Variants in POLR1B observed in about 807,000 individuals in gnomAD.
POLR1B encodes the protein DNA-directed RNA polymerase I subunit RPA2.
In POLR1B, 30 loss-of-function variants were observed where a neutral mutation model predicts 105.8. The observed-to-expected ratio is 0.28, with a 90% confidence interval of 0.21 to 0.38. POLR1B has a LOEUF of 0.38. Among genes scored for constraint, POLR1B ranks in the 10% least tolerant of loss-of-function variants. The pLI is 1.00. For missense variants in POLR1B, 976 were observed against 1,435.8 expected (o/e 0.68, Z 5.17); for synonymous variants, 485 against 505.1 (o/e 0.96, Z 0.53).
At chr2:112,564,214 G>A (rs958408734) in intron 9 of POLR1B, 152 bp from the exon 10 acceptor site, 1 of 831,312 alleles carries the variant, frequency 1.2e-6, no homozygotes, top group Non-Finnish European at 1.8e-6. Flanking sequence ...TATCTGAAGT[G>A]CAGTTAAAAG....
chr2:112,547,327 AATTG>A, intron 2 of POLR1B, 90 bp from the exon 3 acceptor site: 1 of 1,493,372 alleles, frequency 6.7e-7, no homozygotes, highest in Non-Finnish European at 9.1e-7. Context: ...AAAATAATTT[AATTG>A]ATCTTCTTCC....
chr2:112,558,688 G>A (rs1297635338), intron 8 of POLR1B, among the ~76,000 whole-genome samples: 1 of 151,836 alleles, frequency 6.6e-6, no homozygotes, highest in Non-Finnish European at 1.5e-5. Flanking sequence ...GCAGGATCAT[G>A]GCTCACTGCA....
At position 112,574,799 on chromosome 2, in the gene POLR1B, A is replaced by T. The variant is rs749714999; in HGVS notation, c.2526-48A>T. 4.0e-6 allele frequency: 6 copies of T among 1,495,902 alleles called. No homozygotes were observed. In the South Asian group the frequency reaches 7.7e-5, roughly 19 times the overall value. The allele number at this position is 1,495,902 out of a possible 1,614,324, so 92.7% of individuals were successfully genotyped here. ...AATTATATCAATGAAACTTATCTCC[A>T]TAAGTTAAAACAAATAGGTTGACCT... On this transcript the variant is annotated intron_variant, in intron 14 of 14. Transcript: ENST00000263331.
At chr2:112,552,536 T>C (rs1683424465) in intron 6 of POLR1B, 109 bp from the exon 7 acceptor site, 4 of 1,187,678 alleles carry the variant, frequency 3.4e-6, no homozygotes, top group Non-Finnish European at 4.6e-6. Flanking sequence ...TGCTTAATTT[T>C]ATTTAATTAA....
At chr2:112,572,486 T>C (rs572687967) in intron 12 of POLR1B, 76 bp from the exon 13 acceptor site, 24 of 1,052,926 alleles carry the variant, frequency 2.3e-5, no homozygotes, top group Middle Eastern at 4.6e-4. Flanking sequence ...TATTTAGTTG[T>C]TTCCAGTGTT....
intron 7 of POLR1B, among the ~76,000 whole-genome samples, chr2:112,557,513 C>T (rs4849076): frequency 0.42 from 64,110 of 152,060 alleles, 14,078 homozygotes; most frequent in Middle Eastern, 0.52. Flanking sequence ...TGTTAGTAGA[C>T]GTTTGTTAAA....
chr2:112,573,433 ATT>A (rs1684691762), intron 13 of POLR1B, 127 bp from the exon 14 acceptor site: 11 of 1,246,716 alleles, frequency 8.8e-6, no homozygotes, highest in Non-Finnish European at 1.2e-5. Flanking sequence ...AGTATCAGTG[ATT>A]TGGAAAATGT....
At position 112,542,636 on chromosome 2, in the gene POLR1B, T is replaced by A; in HGVS notation, c.142T>A (p.Tyr48Asn). 1 of 1,614,008 alleles carries A rather than the reference T, an allele frequency of 6.2e-7. No homozygotes were observed. Among genetic ancestry groups the A allele is most frequent in the Non-Finnish European group, 8.5e-7 (1 of 1,179,988 alleles). ...LTRAHVESFN[Y>N]AVHEGLGLAV... is the part of the protein sequence containing the mutation. Reference sequence around the variant, plus strand: ...GCGGGCGCACGTGGAGTCCTTCAACTACGCTGTGCACGAGGGTCTCGGCCT... The same window carrying A: ...GCGGGCGCACGTGGAGTCCTTCAACAACGCTGTGCACGAGGGTCTCGGCCT... Residue 48 changes from tyrosine (Y) to asparagine (N), a missense_variant, in exon 1 of 15, where the codon TAC becomes AAC. By Grantham distance (143) the Tyr-to-Asn change is moderately radical. Transcript: ENST00000263331.
chr2:112,559,722 C>T, intron 9 of POLR1B, 148 bp downstream of exon 9: 2 of 928,208 alleles, frequency 2.2e-6, no homozygotes, highest in South Asian at 1.7e-5. Context: ...GCTCTGCCTC[C>T]TAGGTTCACG....
intron 7 of POLR1B, among the ~76,000 whole-genome samples, chr2:112,556,713 C>T (rs1558657961): frequency 6.6e-6 from 1 of 152,184 alleles, no homozygotes; most frequent in African/African-American, 2.4e-5. Context: ...TTCCAAATAT[C>T]AAATATAGGA....
At chr2:112,547,778 T>G (rs1683134361) in intron 3 of POLR1B, among the ~76,000 whole-genome samples, 1 of 152,138 alleles carries the variant, frequency 6.6e-6, no homozygotes, top group East Asian at 1.9e-4. Context: ...AATATTATTG[T>G]TCGGGGGGAA....
At chr2:112,565,268 C>T (rs189456717) in intron 10 of POLR1B, among the ~76,000 whole-genome samples, 157 of 152,310 alleles carry the variant, frequency 1.0e-3, no homozygotes, top group Non-Finnish European at 1.5e-3. Flanking sequence ...TTAATCAGTA[C>T]ATGGGACCCC....
chr2:112,572,449 T>G (rs1298207330), intron 12 of POLR1B, 113 bp from the exon 13 acceptor site: 3 of 748,164 alleles, frequency 4.0e-6, no homozygotes, highest in Admixed American at 3.1e-5. Flanking sequence ...ACCATGACTA[T>G]TTATTTGTTC....
chr2:112,567,314 T>G (rs951859410), intron 10 of POLR1B, among the ~76,000 whole-genome samples: 13 of 151,990 alleles, frequency 8.6e-5, no homozygotes, highest in Non-Finnish European at 1.8e-4. Context: ...GTTGTTGTTG[T>G]TGTTGTTGTT....
chr2:112,575,229 G>A lies in POLR1B; in HGVS notation c.2908G>A (p.Gly970Ser), dbSNP rs1458336040. The change falls in exon 15 of 15, where the codon GGC becomes AGC. Residue 970 changes from glycine to serine, a missense_variant. This residue lies in a region of POLR1B where 40 missense variants were observed against 49.6 expected (regional missense o/e 0.81). Transcript: ENST00000263331. This position sits in a 1 kb window ranked among gnomAD's most constrained non-coding sequence, Gnocchi z 5.3. ...EYFGEMLKAA[G>S]YNFYGTERLY... is the part of the protein sequence containing the mutation. ...CTTTGGTGAGATGTTAAAGGCTGCT[G>A]GCTACAATTTCTATGGCACCGAGAG... is the stretch of plus-strand genomic sequence containing the variant. 6.2e-7 allele frequency: 1 copy of A among 1,614,152 alleles called. No homozygotes were observed. The highest frequency in any genetic ancestry group is 8.5e-7 in the Non-Finnish European group (1 of 1,180,036).
At chr2:112,563,911 C>T (rs993862096) in intron 9 of POLR1B, among the ~76,000 whole-genome samples, 6 of 151,904 alleles carry the variant, frequency 3.9e-5, no homozygotes, top group African/African-American at 1.5e-4. Flanking sequence ...ATAAAACAAA[C>T]CCATTTTTTT....
intron 11 of POLR1B, 118 bp from the exon 12 acceptor site, chr2:112,568,628 T>C (rs1403325621): frequency 8.6e-7 from 1 of 1,163,212 alleles, no homozygotes; most frequent in African/African-American, 1.5e-5. Flanking sequence ...TCAGCACTCA[T>C]GATGCTGGGT....
At chr2:112,550,180 G>A (rs1456898724) in intron 4 of POLR1B, among the ~76,000 whole-genome samples, 1 of 152,240 alleles carries the variant, frequency 6.6e-6, no homozygotes, top group African/African-American at 2.4e-5. Flanking sequence ...ATGGAAGCTA[G>A]TCTGGCTTGG....
In POLR1B at chr2:112,549,133, C is replaced by T. The variant is rs555960231; in HGVS notation, c.493-134C>T. 63 of 965,496 alleles carry T rather than the reference C, an allele frequency of 6.5e-5. 1 individual carries two copies. The African/African-American group carries it at 1.0e-3, about 15-fold the overall frequency. The allele number at this position is 965,496 out of a possible 1,614,324, so 59.8% of individuals were successfully genotyped here. A position where few individuals can be genotyped will look rare whatever the true frequency, so the allele number is the denominator to read the frequency against. On this transcript the variant is annotated intron_variant, in intron 3 of 14. Coordinates refer to ENST00000263331, the MANE Select transcript of POLR1B (RefSeq NM_019014.6). ...AAAGACAGTGTCTGTGTACTGTTTT[C>T]AAGGGATCAGTAGTACATTTCACCT...
Sources: allele counts gnomAD v4.1 joint callset (sites outside exome capture counted in the v4.1 genomes callset), GRCh38; gene constraint gnomAD v4.1.1; regional missense constraint gnomAD v4.1.1; non-coding constraint Gnocchi (gnomAD v3.1); transcripts MANE v1.5; gene names NCBI Gene and HGNC (gene_info 2026-07-23, HGNC 2026-07-21).